PPP1R9A: variants seen among roughly 807,000 people sequenced by gnomAD.
PPP1R9A encodes the protein neurabin-1.
In PPP1R9A, 59 loss-of-function variants were observed where a neutral mutation model predicts 141.9. The observed-to-expected ratio is 0.42, with a 90% CI of 0.34 to 0.52. The LOEUF is 0.52. PPP1R9A is among the 20% of genes least tolerant of loss of function. The pLI is 0.10. For synonymous variants in PPP1R9A, 500 were observed against 569.7 expected, an observed-to-expected ratio of 0.88 and a Z score of 1.74; for missense variants, 1,444 against 1,611.9, an observed-to-expected ratio of 0.90 and a Z score of 1.78.
chr7:95,100,844 ATTTTTTTTTTTTTT>A (rs34210406), intron 2 of PPP1R9A, among the ~76,000 whole-genome samples: 6 of 70,134 alleles, frequency 8.6e-5, no homozygotes, highest in Non-Finnish European at 1.5e-4. Context: ...TCTTTGTCTG[ATTTTTTTTTTTTTT>A]TTTTTTTTTT....
chr7:94,941,741 A>G (rs1428419739), intron 2 of PPP1R9A, among the ~76,000 whole-genome samples: 4 of 152,054 alleles, frequency 2.6e-5, no homozygotes, highest in Non-Finnish European at 5.9e-5. Context: ...TGATTTTTGT[A>G]TAATTAAGTT....
chr7:95,131,140 C>T (rs566171844), intron 4 of PPP1R9A, among the ~76,000 whole-genome samples: 2 of 152,178 alleles, frequency 1.3e-5, no homozygotes, highest in South Asian at 2.1e-4. Flanking sequence ...ATTGTAACTC[C>T]CACAATTCCC....
At chr7:95,006,672 T>C (rs1162286565) in intron 2 of PPP1R9A, among the ~76,000 whole-genome samples, 1 of 152,182 alleles carries the variant, frequency 6.6e-6, no homozygotes, top group Non-Finnish European at 1.5e-5. Context: ...GGTAAACTAC[T>C]GAGAAAAAAT....
chr7:95,219,984 A>G (rs1242276052), intron 7 of PPP1R9A, among the ~76,000 whole-genome samples: 1 of 152,146 alleles, frequency 6.6e-6, no homozygotes, highest in Non-Finnish European at 1.5e-5. Flanking sequence ...AGCATATTCT[A>G]GGCACTGTGG....
chr7:95,138,665 A>G (rs1826105185), intron 4 of PPP1R9A, among the ~76,000 whole-genome samples: 1 of 152,254 alleles, frequency 6.6e-6, no homozygotes, highest in African/African-American at 2.4e-5. Context: ...TAATGACAAG[A>G]AGAATAACCA....
At chr7:95,189,675 A>G (rs1835198624) in intron 5 of PPP1R9A, among the ~76,000 whole-genome samples, 1 of 151,806 alleles carries the variant, frequency 6.6e-6, no homozygotes, top group Non-Finnish European at 1.5e-5. Flanking sequence ...TGACCTCGTG[A>G]TCCGCCTGCC....
intron 7 of PPP1R9A, among the ~76,000 whole-genome samples, chr7:95,223,953 G>C (rs1404467112): frequency 6.6e-6 from 1 of 151,792 alleles, no homozygotes; most frequent in Non-Finnish European, 1.5e-5. Context: ...AGTATTTGTT[G>C]GTTCTAGAAA....
At chr7:94,952,494 T>C (rs1796587354) in intron 2 of PPP1R9A, among the ~76,000 whole-genome samples, 1 of 152,168 alleles carries the variant, frequency 6.6e-6, no homozygotes, top group Non-Finnish European at 1.5e-5. Flanking sequence ...CTGAGTCAAA[T>C]GGTATTTCTA....
At chr7:95,287,240 C>A in intron 18 of PPP1R9A, 1 of 1,362,446 alleles carries the variant, frequency 7.3e-7, no homozygotes, top group Non-Finnish European at 1.1e-6. Context: ...GAATATCTTC[C>A]TCTGTAGTGA....
At chr7:95,171,266 A>T (rs115367682) in intron 5 of PPP1R9A, among the ~76,000 whole-genome samples, 1 of 151,724 alleles carries the variant, frequency 6.6e-6, no homozygotes, top group African/African-American at 2.4e-5. Context: ...TGGTCTAATG[A>T]CCAATTTAAA....
At chr7:95,273,483 C>T (rs960000188) in intron 14 of PPP1R9A, among the ~76,000 whole-genome samples, 2 of 152,160 alleles carry the variant, frequency 1.3e-5, no homozygotes, top group Non-Finnish European at 2.9e-5. Context: ...GAGAAGTGGG[C>T]TATGTTCCTG....
At chr7:94,928,717 A>G (rs1323162252) in intron 2 of PPP1R9A, among the ~76,000 whole-genome samples, 1 of 152,210 alleles carries the variant, frequency 6.6e-6, no homozygotes, top group Non-Finnish European at 1.5e-5. Flanking sequence ...TTGATAAAAC[A>G]TGAGTGTGAA....
At position 95,252,040 on chromosome 7, in the gene PPP1R9A, A is replaced by T; in HGVS notation, c.2575A>T (p.Arg859Ter). 6.2e-7 allele frequency: 1 copy of T among 1,613,610 alleles called. No homozygotes were observed. The highest frequency in any genetic ancestry group is 8.5e-7 in the Non-Finnish European group (1 of 1,179,852). The change falls in exon 12 of 20, where the codon AGA (arginine) becomes TGA (stop). Residue 859 changes from arginine to a stop codon, truncating the protein, a stop_gained. Transcript: ENST00000433360. LOFTEE classifies it high-confidence loss of function. ...QVNNNNNIFE[R>*]RTSLGEVSKG... ...TAACAATAATAACAACATCTTTGAG[A>T]GAAGAACATCTCTTGGTGAAGTCTC...
chr7:95,073,806 T>C (rs1012937858), intron 2 of PPP1R9A, among the ~76,000 whole-genome samples: 1 of 151,934 alleles, frequency 6.6e-6, no homozygotes, highest in African/African-American at 2.4e-5. Context: ...GGTCTTTAAC[T>C]CCTGGGCCCA....
intron 7 of PPP1R9A, among the ~76,000 whole-genome samples, chr7:95,221,849 G>T (rs1195015683): frequency 6.6e-6 from 1 of 152,178 alleles, no homozygotes; most frequent in East Asian, 1.9e-4. Flanking sequence ...GTTTATACAA[G>T]AGTGCATAAA....
chr7:94,957,463 C>CA, intron 2 of PPP1R9A, among the ~76,000 whole-genome samples: 1 of 152,022 alleles, frequency 6.6e-6, no homozygotes, highest in East Asian at 1.9e-4. Context: ...TCTTGGAGTA[C>CA]ATATGGGAGG....
At chr7:95,009,158 G>A (rs188825160) in intron 2 of PPP1R9A, among the ~76,000 whole-genome samples, 69 of 152,252 alleles carry the variant, frequency 4.5e-4, no homozygotes, top group Non-Finnish European at 7.5e-4. Flanking sequence ...TCATGGGGTC[G>A]GGGAAGGGGG....
At chr7:94,930,236 G>A (rs905099383) in intron 2 of PPP1R9A, among the ~76,000 whole-genome samples, 1 of 152,166 alleles carries the variant, frequency 6.6e-6, no homozygotes, top group African/African-American at 2.4e-5. Context: ...GCATGATGGG[G>A]GAGCCCCACA....
rs193014889 is a variant in PPP1R9A, at chr7:95,197,014, A to G, written c.1755-1335A>G. On this transcript the variant is annotated intron_variant, in intron 5 of 19. Transcript: ENST00000433360. The stretch of plus-strand genomic sequence containing the variant: ...AAGTGAACACTTAAAGATAATTTCA[A>G]AGTAAATCTTGCTTGAAACTATATA... Among the ~76,000 whole-genome samples, 290 of 152,308 alleles carry G rather than the reference A, an allele frequency of 1.9e-3. 1 individual carries two copies. The highest frequency in any genetic ancestry group is 6.7e-3 in the African/African-American group (278 of 41,598).
Sources: allele counts gnomAD v4.1 joint callset (sites outside exome capture counted in the v4.1 genomes callset), GRCh38; gene constraint gnomAD v4.1.1; transcripts MANE v1.5; gene names NCBI Gene and HGNC (gene_info 2026-07-23, HGNC 2026-07-21).